The following EIF3E variants were observed in gnomAD, a reference collection of about 807,000 sequenced individuals.
The protein encoded by EIF3E is eukaryotic translation initiation factor 3 subunit E.
A neutral mutation model predicts 59.3 loss-of-function variants in EIF3E; 25 were observed. The ratio of observed to expected loss-of-function variants is 0.42; its 90% CI spans 0.31 to 0.59. EIF3E has a LOEUF of 0.59. EIF3E is among the 20% of genes least tolerant of loss of function. The probability of loss-of-function intolerance (pLI) is 0.15; values close to 1 mark genes in which losing one functional copy is unlikely to be tolerated. For missense variants in EIF3E, 317 were observed against 534.3 expected, an observed-to-expected ratio of 0.59 and a Z score of 4.01; for synonymous variants, 176 against 170.2, an observed-to-expected ratio of 1.03 and a Z score of -0.26.
chr8:108,241,606 T>A (rs1815835948), intron 2 of EIF3E, among the ~76,000 whole-genome samples, 193 bp downstream of exon 2: 2 of 152,194 alleles, frequency 1.3e-5, no homozygotes, highest in Admixed American at 1.3e-4. Flanking sequence ...TTAAAGTAGT[T>A]CCACATCTTT....
chr8:108,238,867 A>G (rs2129918602), intron 3 of EIF3E, among the ~76,000 whole-genome samples: 1 of 152,322 alleles, frequency 6.6e-6, no homozygotes, highest in Non-Finnish European at 1.5e-5. Context: ...ATTTATCTCA[A>G]ATGACAATAT....
rs201693505 is a variant in EIF3E at position 108,203,109 on chromosome 8, C to T, written c.1173G>A (p.Val391=). 297 of 1,611,354 alleles carry T rather than the reference C, an allele frequency of 1.8e-4. 1 individual carries two copies. The highest frequency in any genetic ancestry group is 2.3e-4 in the Non-Finnish European group (277 of 1,178,792). The change falls in exon 12 of 13, where the codon GTG becomes GTA. Residue 391 remains valine (V), a synonymous_variant. Transcript: ENST00000220849. Reference sequence around the variant, plus strand: ...GTGAGACTGCATTGTTACCCATAACCACATGACCCTAAAAGGAAACACAGG... The same window carrying T: ...GTGAGACTGCATTGTTACCCATAACTACATGACCCTAAAAGGAAACACAGG... The part of the protein sequence containing the change: ...DAKIDSKLGH[V]VMGNNAVSPY...
intron 10 of EIF3E, among the ~76,000 whole-genome samples, chr8:108,210,946 A>C (rs1299137590): frequency 4.6e-5 from 7 of 152,184 alleles, no homozygotes; most frequent in Non-Finnish European, 1.0e-4. Context: ...TTATGGCTGC[A>C]TAGTATTCCA....
intron 3 of EIF3E, among the ~76,000 whole-genome samples, chr8:108,237,537 C>T (rs780078209): frequency 2.6e-5 from 4 of 152,184 alleles, no homozygotes; most frequent in Non-Finnish European, 4.4e-5. Flanking sequence ...CAGGCATGAG[C>T]TACTGCACCT....
rs565266522 is a variant in EIF3E at position 108,221,885 on chromosome 8, A to G, written c.723-4425T>C. ...AAAACTGAAATTTCATGTCATTTTC[A>G]CATCACAAAATATTATTATTCTTTT... On this transcript the variant is annotated intron_variant, in intron 7 of 12. Coordinates refer to ENST00000220849, the MANE Select transcript of EIF3E (RefSeq NM_001568.3). Among the ~76,000 whole-genome samples the G allele has an allele frequency of 1.1e-4, 16 of 152,266 alleles. No individual in the cohort carries two copies. The East Asian group carries it at 3.1e-3, about 29-fold the overall frequency.
At chr8:108,239,088 G>A (rs1031536230) in intron 3 of EIF3E, among the ~76,000 whole-genome samples, 1 of 152,180 alleles carries the variant, frequency 6.6e-6, no homozygotes, top group Non-Finnish European at 1.5e-5. Flanking sequence ...GGGTATGAAA[G>A]AATGTAGCCA....
In EIF3E at chr8:108,203,478, T is replaced by A. The variant is rs763952166; in HGVS notation, c.1087A>T (p.Thr363Ser). 1 of 1,612,558 alleles carries A rather than the reference T, an allele frequency of 6.2e-7. No individual in the cohort carries two copies. Among genetic ancestry groups the A allele is most frequent in the African/African-American group, 1.3e-5 (1 of 74,834 alleles). Residue 363 changes from threonine to serine, a missense_variant, in exon 11 of 13, where the codon ACT becomes TCT. Transcript: ENST00000220849. ...ATCCACCTTTCAGCTTCTTCTGGAG[T>A]CATGTTCAATTTATCTGCCAACATG... ...INMLADKLNM[T>S]PEEAERWIVN... is the part of the protein sequence containing the mutation.
chr8:108,247,218 T>C (rs534395654), intron 1 of EIF3E, among the ~76,000 whole-genome samples: 1 of 152,242 alleles, frequency 6.6e-6, no homozygotes, highest in African/African-American at 2.4e-5. Context: ...TATTCCTCCT[T>C]TCCTTCTGTG....
At chr8:108,240,768 T>TC (rs1815819720) in intron 2 of EIF3E, among the ~76,000 whole-genome samples, 1 of 152,022 alleles carries the variant, frequency 6.6e-6, no homozygotes, top group Non-Finnish European at 1.5e-5. Flanking sequence ...GATCACGAGG[T>TC]CAGGAGTTCA....
At chr8:108,214,778 C>A in intron 9 of EIF3E, 62 bp from the exon 10 acceptor site, 1 of 1,381,586 alleles carries the variant, frequency 7.2e-7, no homozygotes, top group South Asian at 1.3e-5. Context: ...AAACGTGAAT[C>A]AAATACTTTA....
At chr8:108,238,644 T>C (rs905518503) in intron 3 of EIF3E, among the ~76,000 whole-genome samples, 4 of 152,150 alleles carry the variant, frequency 2.6e-5, no homozygotes, top group Non-Finnish European at 4.4e-5. Context: ...TATGTCACAG[T>C]ATGGTATGGT....
At position 108,248,598 on chromosome 8, in the gene EIF3E, C is replaced by G. The variant is rs1563640649; in HGVS notation, c.90+15G>C. ...TCCGCCCCCACGCCTTCCTTGCGCC[C>G]AAAGACCCCCTCACCTCCTTTACAG... On this transcript the variant is annotated intron_variant, in intron 1 of 12. Coordinates refer to ENST00000220849, the MANE Select transcript of EIF3E (RefSeq NM_001568.3). The G allele has an allele frequency of 6.2e-7, 1 of 1,613,670 alleles. No individual in the cohort carries two copies. Among genetic ancestry groups the G allele is most frequent in the Non-Finnish European group, 8.5e-7 (1 of 1,179,758 alleles).
chr8:108,243,046 G>C (rs572757199), intron 1 of EIF3E, among the ~76,000 whole-genome samples: 9 of 152,202 alleles, frequency 5.9e-5, no homozygotes, highest in Admixed American at 3.9e-4. Flanking sequence ...ATGTACACAG[G>C]AGCACTATTT....
chr8:108,210,224 T>C (rs950845390), intron 10 of EIF3E, among the ~76,000 whole-genome samples: 1 of 152,138 alleles, frequency 6.6e-6, no homozygotes. Flanking sequence ...GTGTTGTCAG[T>C]ACTATAAAGT....
chr8:108,248,547 A>G (rs4735053), intron 1 of EIF3E, 66 bp downstream of exon 1: 876,297 of 1,530,190 alleles, frequency 0.57, 252,438 homozygotes, highest in African/African-American at 0.6. Context: ...TACAGACACC[A>G]CCTTTCGGCC....
chr8:108,222,608 C>T (rs1414481737), intron 7 of EIF3E, among the ~76,000 whole-genome samples: 4 of 152,096 alleles, frequency 2.6e-5, no homozygotes, highest in African/African-American at 9.7e-5. Context: ...GTTTTACTTC[C>T]CTGGCTTATC....
intron 9 of EIF3E, 85 bp downstream of exon 9, chr8:108,216,322 ATTACT>A (rs1815304716): frequency 1.1e-6 from 1 of 947,918 alleles, no homozygotes; most frequent in Admixed American, 2.6e-5. Flanking sequence ...TAATTACTTC[ATTACT>A]TTAAGGAAGA....
chr8:108,222,047 G>A (rs34513996), intron 7 of EIF3E, among the ~76,000 whole-genome samples: 14,249 of 151,968 alleles, frequency 0.094, 2,132 homozygotes, highest in African/African-American at 0.31. Context: ...GGCTCCAGGC[G>A]TTTTTACTTT....
chr8:108,231,031 A>G (rs1017963170), intron 5 of EIF3E, among the ~76,000 whole-genome samples: 52 of 152,184 alleles, frequency 3.4e-4, no homozygotes, highest in African/African-American at 7.2e-4. Flanking sequence ...GTATGGCCAC[A>G]AAAGAACAAA....
Sources: gnomAD v4.1 joint callset for allele counts (sites outside exome capture counted in the v4.1 genomes callset) on GRCh38, gnomAD v4.1.1 for gene constraint, MANE v1.5 for transcripts, NCBI Gene and HGNC (gene_info 2026-07-23, HGNC 2026-07-21) for gene names.